Variants in AOX1 observed in about 807,000 individuals in gnomAD.
AOX1 encodes aldehyde oxidase 1.
AOX1 carries 153 observed loss-of-function variants against 169.5 expected under a neutral mutation model. The ratio of observed to expected loss-of-function variants is 0.90; its 90% CI spans 0.79 to 1.03. AOX1 has a LOEUF of 1.03. Among genes scored for constraint, AOX1 ranks in the 50% least tolerant of loss-of-function variants. The probability of loss-of-function intolerance (pLI) is 0.00; values close to 1 mark genes in which losing one functional copy is unlikely to be tolerated. For missense variants in AOX1, 1,656 were observed against 1,663.9 expected (o/e 1.00, Z 0.08); for synonymous variants, 562 against 581.9 (o/e 0.97, Z 0.49).
At position 200,609,034 on chromosome 2, in the gene AOX1, G is replaced by A. The variant is rs1203037130; in HGVS notation, c.958G>A (p.Ala320Thr). Residue 320 changes from alanine (A) to threonine (T), a missense_variant, in exon 11 of 35, where the codon GCT becomes ACT. Physicochemically the swap from Ala to Thr is moderately conservative, Grantham distance 58 (BLOSUM62 0). Transcript: ENST00000374700. ...LSLAQVKDIL[A>T]DVVQKLPEEK... ...CCTAGCCCAGGTGAAGGACATTTTG[G>A]CTGATGTAGTCCAGAAGCTTCCAGA... 2 of 1,614,072 alleles carry A rather than the reference G, an allele frequency of 1.2e-6. No individual in the cohort carries two copies. Among genetic ancestry groups the A allele is most frequent in the Non-Finnish European group, 1.7e-6 (2 of 1,179,982 alleles).
intron 25 of AOX1, among the ~76,000 whole-genome samples, 181 bp from the exon 26 acceptor site, chr2:200,650,793 T>G (rs17594160): frequency 6.6e-6 from 1 of 152,192 alleles, no homozygotes; most frequent in Non-Finnish European, 1.5e-5. Flanking sequence ...GCACGTTTGA[T>G]AGAAGCTCTG....
intron 18 of AOX1, among the ~76,000 whole-genome samples, chr2:200,623,314 C>A (rs1223007236): frequency 6.6e-6 from 1 of 152,256 alleles, no homozygotes; most frequent in Non-Finnish European, 1.5e-5. Context: ...TCAACCCCCC[C>A]AGGAAGGGGA....
At chr2:200,674,621 C>A (rs2036071990), downstream of AOX1, among the ~76,000 whole-genome samples, 1 of 152,238 alleles carries the variant, frequency 6.6e-6, no homozygotes, top group Non-Finnish European at 1.5e-5. Flanking sequence ...TGTCATCCAT[C>A]ACCCCAGTCA....
At chr2:200,598,295 T>G (rs17448443) in intron 4 of AOX1, among the ~76,000 whole-genome samples, 24,265 of 152,058 alleles carry the variant, frequency 0.16, 2,235 homozygotes, top group Non-Finnish European at 0.21. Context: ...ACCAAAAAGC[T>G]TTGTTATATT....
chr2:200,620,503 C>G, intron 16 of AOX1, 147 bp from the exon 17 acceptor site: 3 of 727,494 alleles, frequency 4.1e-6, no homozygotes, highest in Non-Finnish European at 6.1e-6. Context: ...GCCACTGTGC[C>G]CAGCCCAATA....
intron 25 of AOX1, among the ~76,000 whole-genome samples, chr2:200,650,770 T>C (rs2035563628): frequency 6.6e-6 from 1 of 152,178 alleles, no homozygotes; most frequent in African/African-American, 2.4e-5. Flanking sequence ...AGAAAGCACA[T>C]AAGTAATTGC....
At chr2:200,669,348 G>T (rs1046287267) in intron 33 of AOX1, among the ~76,000 whole-genome samples, 3 of 152,040 alleles carry the variant, frequency 2.0e-5, no homozygotes, top group African/African-American at 7.3e-5. Flanking sequence ...GGAGGCTGAG[G>T]CAGGAGAATG....
At chr2:200,619,254 G>T (rs6753463) in intron 16 of AOX1, among the ~76,000 whole-genome samples, 44,162 of 151,952 alleles carry the variant, frequency 0.29, 6,968 homozygotes, top group East Asian at 0.38. Context: ...GCATTGTAAG[G>T]CTCATCTAAA....
chr2:200,670,794 C>A lies in AOX1; in HGVS notation c.*115C>A. On this transcript the variant is annotated 3_prime_UTR_variant, in exon 35 of 35. Transcript: ENST00000374700. ...GACAGAGTTTCCACAGTTCAGAAATCATCCCACAGTGTTGCTTTTCTATGG... is the reference window on the plus strand; with the variant it reads ...GACAGAGTTTCCACAGTTCAGAAATAATCCCACAGTGTTGCTTTTCTATGG... The A allele has an allele frequency of 1.2e-6, 1 of 801,960 alleles. No homozygotes were observed. Among genetic ancestry groups the A allele is most frequent in the African/African-American group, 1.7e-5 (1 of 58,806 alleles). The allele number at this position is 801,960 out of a possible 1,614,324, so 49.7% of individuals were successfully genotyped here. A position where few individuals can be genotyped will look rare whatever the true frequency, so the allele number is the denominator to read the frequency against.
chr2:200,605,864 C>T (rs578143087), intron 10 of AOX1, among the ~76,000 whole-genome samples: 2 of 152,212 alleles, frequency 1.3e-5, no homozygotes, highest in African/African-American at 4.8e-5. Context: ...TATTTAAGTT[C>T]CTTGCAGATT....
intron 10 of AOX1, among the ~76,000 whole-genome samples, chr2:200,608,357 AAC>A (rs1171118748): frequency 1.3e-5 from 2 of 152,226 alleles, no homozygotes; most frequent in Admixed American, 6.5e-5. Context: ...AGATGAATAT[AAC>A]ACAGTCTTTG....
chr2:200,669,603 G>A lies in AOX1; in HGVS notation c.3827G>A (p.Gly1276Glu). Reference sequence around the variant, plus strand: ...CTGGGAGAGTCGGGGGTGTTCCTGGGGTGTTCCGTGTTTTTCGCTATCCAT... The same window carrying A: ...CTGGGAGAGTCGGGGGTGTTCCTGGAGTGTTCCGTGTTTTTCGCTATCCAT... ...KGLGESGVFL[G>E]CSVFFAIHDA... Residue 1276 changes from glycine to glutamate, a missense_variant, in exon 34 of 35, where the codon GGG becomes GAG. Physicochemically the swap from Gly to Glu is moderately conservative, Grantham distance 98. Coordinates refer to ENST00000374700, the MANE Select transcript of AOX1 (RefSeq NM_001159.4). 6.2e-7 allele frequency: 1 copy of A among 1,613,906 alleles called. No homozygotes were observed. The highest frequency in any genetic ancestry group is 1.1e-5 in the South Asian group (1 of 91,066).
chr2:200,619,852 G>A (rs1254925794), intron 16 of AOX1, among the ~76,000 whole-genome samples: 1 of 152,058 alleles, frequency 6.6e-6, no homozygotes, highest in Non-Finnish European at 1.5e-5. Context: ...AAAAAAGAAG[G>A]CTATTCTGGT....
intron 27 of AOX1, among the ~76,000 whole-genome samples, chr2:200,658,665 T>C (rs1362171255): frequency 6.6e-6 from 1 of 152,242 alleles, no homozygotes; most frequent in Non-Finnish European, 1.5e-5. Context: ...TGTTGGCACA[T>C]GGCACTGGCG....
In AOX1 at chr2:200,651,012, A is replaced by G. The variant is rs755246053; in HGVS notation, c.2886A>G (p.Thr962=). The change falls in exon 26 of 35, where the codon ACA becomes ACG. Residue 962 remains threonine (T), a synonymous_variant. Transcript: ENST00000374700. The part of the protein sequence containing the change: ...IINMYKEIDQ[T]PYKQEINAKN... Reference sequence around the variant, plus strand: ...ACATGTACAAGGAAATTGATCAAACACCCTACAAACAAGAGATCAATGCCA... The same window carrying G: ...ACATGTACAAGGAAATTGATCAAACGCCCTACAAACAAGAGATCAATGCCA... 4.3e-6 allele frequency: 7 copies of G among 1,614,080 alleles called. No individual in the cohort carries two copies. Among genetic ancestry groups the G allele is most frequent in the Non-Finnish European group, 4.2e-6 (5 of 1,180,042 alleles).
chr2:200,627,123 T>C (rs1187760245), intron 19 of AOX1, among the ~76,000 whole-genome samples: 1 of 152,236 alleles, frequency 6.6e-6, no homozygotes, highest in Admixed American at 6.5e-5. Context: ...AGTTTTTTTC[T>C]GTGCATATTA....
At chr2:200,681,631 G>A (rs757455378), downstream of AOX1, 1 of 152,280 alleles carries the variant, frequency 6.6e-6, no homozygotes, top group Non-Finnish European at 1.5e-5. Context: ...CACCTCTTGA[G>A]TAGTGTGGGC....
Position 200,636,450 on chromosome 2 carries a change from A to G in AOX1, c.2347-461A>G, listed in dbSNP as rs138394850. Among the ~76,000 whole-genome samples the G allele has an allele frequency of 3.6e-3, 546 of 152,190 alleles. 2 individuals are homozygous for G. Among genetic ancestry groups the G allele is most frequent in the African/African-American group, 0.013 (524 of 41,522 alleles). On this transcript the variant is annotated intron_variant, in intron 21 of 34. Coordinates refer to ENST00000374700, the MANE Select transcript of AOX1 (RefSeq NM_001159.4). ...GGCTGAGAAGTGCTTATTTTCCAGT[A>G]GAGACAGTAGAATGCAGGGAAAAGA...
intron 18 of AOX1, among the ~76,000 whole-genome samples, chr2:200,622,711 G>C (rs1406189897): frequency 6.6e-6 from 1 of 152,188 alleles, no homozygotes; most frequent in Non-Finnish European, 1.5e-5. Flanking sequence ...CATCTCAGGG[G>C]CCACATCTAT....
Sources: allele counts gnomAD v4.1 joint callset (sites outside exome capture counted in the v4.1 genomes callset), GRCh38; gene constraint gnomAD v4.1.1; transcripts MANE v1.5; gene names NCBI Gene and HGNC (gene_info 2026-07-23, HGNC 2026-07-21).